Variants in FBLN2 observed in about 807,000 individuals in gnomAD.
FBLN2 encodes the protein fibulin-2.
In FBLN2, 81 loss-of-function variants were observed where a neutral mutation model predicts 123.7. The ratio of observed to expected loss-of-function variants is 0.65; its 90% CI spans 0.55 to 0.79. The LOEUF (loss-of-function observed/expected upper bound fraction) is 0.79. FBLN2 is among the 30% of genes least tolerant of loss of function. The pLI is 0.00. For missense variants in FBLN2, 1,603 were observed against 1,681.3 expected (o/e 0.95, Z 0.81); for synonymous variants, 699 against 701.4 (o/e 1.00, Z 0.05).
At chr3:13,582,432 T>C (rs1559407582) in intron 2 of FBLN2, among the ~76,000 whole-genome samples, 1 of 152,226 alleles carries the variant, frequency 6.6e-6, no homozygotes, top group East Asian at 1.9e-4. Context: ...TGTGGGCCTC[T>C]AGGACCTCTG....
chr3:13,636,990 T>C (rs941151673), intron 17 of FBLN2, among the ~76,000 whole-genome samples: 1 of 152,190 alleles, frequency 6.6e-6, no homozygotes, highest in African/African-American at 2.4e-5. Context: ...CCACTGCTCA[T>C]GGGGCTCTGG....
In FBLN2 at chr3:13,631,285, G is replaced by T. The variant is rs749241948; in HGVS notation, c.3086-44G>T. On this transcript the variant is annotated intron_variant, in intron 15 of 17. Transcript: ENST00000404922. ...GGCTGACTGTCAGTGGCTGGGCTCT[G>T]TGGGTGGACGAGGTTCACCAGGGGC... The T allele has an allele frequency of 7.6e-6, 12 of 1,584,198 alleles. No homozygotes were observed. In the East Asian group the frequency reaches 2.5e-4, roughly 33 times the overall value.
intron 2 of FBLN2, among the ~76,000 whole-genome samples, chr3:13,581,215 TG>T (rs1181664158): frequency 2.1e-4 from 3 of 14,494 alleles, no homozygotes; most frequent in Non-Finnish European, 4.3e-4. Context: ...GGGCGGCAGG[TG>T]GGGGGTGGGG....
At chr3:13,586,866 G>C (rs1574962990) in intron 2 of FBLN2, among the ~76,000 whole-genome samples, 1 of 151,038 alleles carries the variant, frequency 6.6e-6, no homozygotes, top group East Asian at 2.0e-4. Context: ...ATTGAAAATA[G>C]GCTGGGTGCG....
chr3:13,554,996 A>G (rs941880148), intron 1 of FBLN2, among the ~76,000 whole-genome samples: 4 of 149,798 alleles, frequency 2.7e-5, no homozygotes, highest in Non-Finnish European at 5.9e-5. Context: ...TCTGTCACCC[A>G]GGCTGGAGTG....
intron 2 of FBLN2, among the ~76,000 whole-genome samples, chr3:13,581,261 G>A (rs930668914): frequency 6.6e-6 from 1 of 151,980 alleles, no homozygotes; most frequent in African/African-American, 2.4e-5. Context: ...GCTTTCACTG[G>A]GGTCCAGGAT....
rs1706536330 is a variant in FBLN2 at position 13,637,892 on chromosome 3, C to T, written c.3669C>T (p.His1223=). 3 of 1,598,164 alleles carry T rather than the reference C, an allele frequency of 1.9e-6. No homozygotes were observed. Among genetic ancestry groups the T allele is most frequent in the Non-Finnish European group, 2.6e-6 (3 of 1,169,528 alleles). Residue 1223 remains histidine (H), a synonymous_variant, in exon 18 of 18, where the codon CAC becomes CAT. Coordinates refer to ENST00000404922, the MANE Select transcript of FBLN2 (RefSeq NM_001004019.2). ...TCACCACCTTCCTGGCCAAGATGCA[C>T]ATCTTCTTCACCACCTTTGCCCTGT... is the stretch of plus-strand genomic sequence containing the variant. ...GSVTTFLAKM[H]IFFTTFAL
chr3:13,625,611 G>T (rs1370300542), intron 9 of FBLN2, among the ~76,000 whole-genome samples: 1 of 151,928 alleles, frequency 6.6e-6, no homozygotes, highest in African/African-American at 2.4e-5. Context: ...GAAGCTCTGG[G>T]CCCCTCTTCC....
At chr3:13,612,321 T>TTCTTTCTTTCTTTCTTTCTTTC (rs1705425811) in intron 4 of FBLN2, among the ~76,000 whole-genome samples, 1 of 147,800 alleles carries the variant, frequency 6.8e-6, no homozygotes, top group Non-Finnish European at 1.5e-5. Flanking sequence ...CTTTCTTTCT[T>TTCTTTCTTTCTTTCTTTCTTTC]TCTTTCTTTC....
At position 13,574,476 on chromosome 3, in the gene FBLN2, C is replaced by T. The variant is rs568770689; in HGVS notation, c.1306+2815C>T. ...ACCCCTTCTTCCCAGCCCAGGGAGC[C>T]GGGCATGTGGCTTCCATTAGGCCAC... is the stretch of plus-strand genomic sequence containing the variant. On this transcript the variant is annotated intron_variant, in intron 2 of 17. Transcript: ENST00000404922. 1.1e-4 allele frequency among the ~76,000 whole-genome samples: 17 copies of T among 152,328 alleles called. 1 individual carries two copies. The highest frequency in any genetic ancestry group is 3.8e-4 in the African/African-American group (16 of 41,582).
At chr3:13,565,617 A>T (rs1703723055) in intron 1 of FBLN2, among the ~76,000 whole-genome samples, 1 of 152,206 alleles carries the variant, frequency 6.6e-6, no homozygotes, top group Admixed American at 6.5e-5. Context: ...TAATGCCGTG[A>T]TATATGTTAC....
intron 9 of FBLN2, among the ~76,000 whole-genome samples, chr3:13,623,961 A>G (rs1705939881): frequency 6.6e-6 from 1 of 152,216 alleles, no homozygotes; most frequent in Non-Finnish European, 1.5e-5. Context: ...GTGGGACAGT[A>G]TTGGGTGTGA....
At chr3:13,632,908 G>A (rs976186016) in intron 16 of FBLN2, among the ~76,000 whole-genome samples, 1 of 152,074 alleles carries the variant, frequency 6.6e-6, no homozygotes, top group Admixed American at 6.6e-5. Flanking sequence ...TGCTCAGCTC[G>A]GCAGGAAATA....
intron 2 of FBLN2, among the ~76,000 whole-genome samples, chr3:13,599,543 T>A (rs999156280): frequency 1.3e-5 from 2 of 151,746 alleles, no homozygotes; most frequent in Non-Finnish European, 2.9e-5. Flanking sequence ...CAATCTGATT[T>A]GTATTTGTGG....
rs1175308472 is a variant in FBLN2 at position 13,571,563 on chromosome 3, G to T, written c.1208G>T (p.Arg403Leu). Residue 403 changes from arginine (R) to leucine (L), a missense_variant, in exon 2 of 18, where the codon CGA (arginine) becomes CTA (leucine). Transcript: ENST00000404922. ...LPDAAWIPPT[R>L]EVPRKPQVLP... ...GATGCAGCCTGGATCCCACCCACCC[G>T]AGAAGTGCCCAGGAAGCCGCAAGTT... The T allele has an allele frequency of 6.2e-7, 1 of 1,613,488 alleles. No homozygotes were observed. The highest frequency in any genetic ancestry group is 8.5e-7 in the Non-Finnish European group (1 of 1,179,764).
intron 2 of FBLN2, among the ~76,000 whole-genome samples, chr3:13,605,039 T>C (rs984296202): frequency 3.3e-5 from 5 of 152,184 alleles, no homozygotes; most frequent in East Asian, 1.9e-4. Context: ...AGAAGGACAC[T>C]GAGTCTGGAG....
At chr3:13,550,588 A>G (rs750324544) in intron 1 of FBLN2, among the ~76,000 whole-genome samples, 6 of 152,234 alleles carry the variant, frequency 3.9e-5, no homozygotes, top group Admixed American at 6.5e-5. Flanking sequence ...GTGGCAGCTG[A>G]GAAGTGTTCC....
rs1184684693 is a variant in FBLN2, at chr3:13,549,164, CGGCCGG to C, written c.-84_-79del. ...GCCGCCCGGGCTCTCGACGCGCCGACGGCCGGGCGGACGGACGGACGGACGCCGAGC... is the reference window on the plus strand; with the variant it reads ...GCCGCCCGGGCTCTCGACGCGCCGACGCGGACGGACGGACGGACGCCGAGC... On this transcript the variant is annotated 5_prime_UTR_variant, in exon 1 of 18. Transcript: ENST00000404922. The C allele has an allele frequency of 1.0e-6, 1 of 982,804 alleles. No individual in the cohort carries two copies. Among genetic ancestry groups the C allele is most frequent in the African/African-American group, 1.8e-5 (1 of 56,914 alleles). The allele number at this position is 982,804 out of a possible 1,614,324, so 60.9% of individuals were successfully genotyped here. A position where few individuals can be genotyped will look rare whatever the true frequency, so the allele number is the denominator to read the frequency against.
intron 2 of FBLN2, 80 bp from the exon 3 acceptor site, chr3:13,607,982 G>A: frequency 9.0e-7 from 1 of 1,116,810 alleles, no homozygotes; most frequent in Non-Finnish European, 1.3e-6. Flanking sequence ...CCCAGTAAAG[G>A]AGACCTGGAC....
Sources: allele counts gnomAD v4.1 joint callset (sites outside exome capture counted in the v4.1 genomes callset), GRCh38; gene constraint gnomAD v4.1.1; transcripts MANE v1.5; gene names NCBI Gene and HGNC (gene_info 2026-07-23, HGNC 2026-07-21).